SAMMSON: variants seen among roughly 807,000 people sequenced by gnomAD.
SAMMSON encodes survival associated mitochondrial melanoma specific oncogenic non-coding RNA, also known as long intergenic non-protein coding RNA 1212.
At chr3:70,044,248 C>T (rs1048628673) in intron 3 of SAMMSON, among the ~76,000 whole-genome samples, 1 of 151,942 alleles carries the variant, frequency 6.6e-6, no homozygotes, top group East Asian at 1.9e-4. Flanking sequence ...CTCTGGATAG[C>T]AAATTGGCAA....
intron 3 of SAMMSON, among the ~76,000 whole-genome samples, chr3:70,034,273 G>T (rs1463091083): frequency 6.6e-6 from 1 of 152,084 alleles, no homozygotes; most frequent in Non-Finnish European, 1.5e-5. Flanking sequence ...GCACGATATT[G>T]CTATTCTCTA....
chr3:70,350,491 G>T (rs1297749588), intron 7 of SAMMSON, among the ~76,000 whole-genome samples: 1 of 151,956 alleles, frequency 6.6e-6, no homozygotes, highest in African/African-American at 2.4e-5. Flanking sequence ...GAAACATCAT[G>T]AACCCTTTAT....
chr3:70,071,278 TATGCGTAG>T (rs145719636), intron 3 of SAMMSON, among the ~76,000 whole-genome samples: 5,266 of 152,164 alleles, frequency 0.035, 112 homozygotes, highest in Middle Eastern at 0.058. Context: ...AATCTTCAGT[TATGCGTAG>T]ATGCACACAT....
chr3:70,334,427 T>A (rs1702646771), intron 7 of SAMMSON, among the ~76,000 whole-genome samples: 1 of 152,006 alleles, frequency 6.6e-6, no homozygotes, highest in Non-Finnish European at 1.5e-5. Context: ...GTATGTAATA[T>A]ATAAATATAT....
At chr3:70,256,301 A>C (rs946758175) in intron 6 of SAMMSON, among the ~76,000 whole-genome samples, 3 of 152,206 alleles carry the variant, frequency 2.0e-5, no homozygotes, top group Non-Finnish European at 4.4e-5. Flanking sequence ...ACAGAGAGAA[A>C]TGTACTCGTT....
intron 7 of SAMMSON, among the ~76,000 whole-genome samples, chr3:70,347,679 G>A (rs765609821): frequency 1.3e-5 from 2 of 152,142 alleles, no homozygotes; most frequent in Non-Finnish European, 2.9e-5. Context: ...AAAAGACCTG[G>A]CCCTACTAAG....
intron 2 of SAMMSON, among the ~76,000 whole-genome samples, chr3:70,411,663 G>A (rs560745004): frequency 6.6e-6 from 1 of 152,102 alleles, no homozygotes; most frequent in African/African-American, 2.4e-5. Flanking sequence ...TGGTGTTCTC[G>A]TGATAGTGAG....
At chr3:70,028,923 G>A (rs565867026) in intron 3 of SAMMSON, among the ~76,000 whole-genome samples, 8 of 152,322 alleles carry the variant, frequency 5.3e-5, no homozygotes, top group Admixed American at 2.6e-4. Flanking sequence ...CTGAACTCAA[G>A]CAGGTACAGT....
chr3:70,150,145 C>A (rs1293615768), intron 4 of SAMMSON, among the ~76,000 whole-genome samples: 1 of 151,918 alleles, frequency 6.6e-6, no homozygotes, highest in Non-Finnish European at 1.5e-5. Flanking sequence ...TTTTTCGAAC[C>A]AAAAGTATGT....
intron 4 of SAMMSON, among the ~76,000 whole-genome samples, chr3:70,075,706 A>T (rs137874698): frequency 1.3e-5 from 2 of 152,254 alleles, no homozygotes; most frequent in African/African-American, 4.8e-5. Context: ...GTGATAAAAG[A>T]TTTCCAAATG....
At chr3:70,010,915 C>G (rs148003834) in intron 1 of SAMMSON, among the ~76,000 whole-genome samples, 1 of 152,024 alleles carries the variant, frequency 6.6e-6, no homozygotes, top group African/African-American at 2.4e-5. Context: ...CACTGACTAT[C>G]GTGAGAACAG....
chr3:70,402,344 G>A (rs1462353124), intron 2 of SAMMSON, among the ~76,000 whole-genome samples: 1 of 152,156 alleles, frequency 6.6e-6, no homozygotes, highest in Non-Finnish European at 1.5e-5. Context: ...GAGAATAAGG[G>A]AATTGACATA....
At chr3:70,200,970 G>T (rs1243219174) in intron 4 of SAMMSON, among the ~76,000 whole-genome samples, 1 of 151,350 alleles carries the variant, frequency 6.6e-6, no homozygotes, top group Non-Finnish European at 1.5e-5. Context: ...TTTTGGGGTG[G>T]GGGTGGGTGT....
Position 70,339,563 on chromosome 3 carries a change from AT to A in SAMMSON, n.740-14611del, listed in dbSNP as rs1702693975. Among the ~76,000 whole-genome samples, 6 of 152,278 alleles carry A rather than the reference AT, an allele frequency of 3.9e-5. No individual in the cohort carries two copies. The South Asian group carries it at 1.2e-3, about 32-fold the overall frequency. On this transcript the variant is annotated intron_variant and non_coding_transcript_variant, in intron 7 of 9. Transcript: ENST00000642114. Reference sequence around the variant, plus strand: ...AACTTAAACAAATTTACAAGAAAAAATCAAACAACCCCATCAGCAAGTGGGC... The same window carrying A: ...AACTTAAACAAATTTACAAGAAAAAACAAACAACCCCATCAGCAAGTGGGC...
chr3:70,405,950 A>T (rs934028676), intron 2 of SAMMSON, among the ~76,000 whole-genome samples: 6 of 152,232 alleles, frequency 3.9e-5, no homozygotes, highest in Admixed American at 2.0e-4. Context: ...AATGCCTGAG[A>T]AAAAGGCATA....
At chr3:70,178,877 G>T (rs886399038) in intron 4 of SAMMSON, among the ~76,000 whole-genome samples, 1 of 151,978 alleles carries the variant, frequency 6.6e-6, no homozygotes, top group African/African-American at 2.4e-5. Context: ...TGGGCGGGTG[G>T]CATTCCCCAG....
chr3:70,096,043 T>C (rs968249169), intron 4 of SAMMSON: 1 of 152,164 alleles, frequency 6.6e-6, no homozygotes, highest in African/African-American at 2.4e-5. Flanking sequence ...ACGTTCAAGG[T>C]ATTGGGCAAG....
chr3:70,117,135 A>C (rs1450880151), intron 4 of SAMMSON, among the ~76,000 whole-genome samples: 2 of 152,222 alleles, frequency 1.3e-5, no homozygotes, highest in Non-Finnish European at 2.9e-5. Flanking sequence ...AGAGAAAATA[A>C]AACATCTTTT....
chr3:70,115,544 A>G (rs1031769621), intron 4 of SAMMSON, among the ~76,000 whole-genome samples: 11 of 152,166 alleles, frequency 7.2e-5, no homozygotes, highest in Non-Finnish European at 1.6e-4. Flanking sequence ...AGAGAGTCAG[A>G]GATACTGATT....
Sources: gnomAD v4.1 joint callset for allele counts (sites outside exome capture counted in the v4.1 genomes callset) on GRCh38, gnomAD v4.1.1 for gene constraint, MANE v1.5 for transcripts, NCBI Gene and HGNC (gene_info 2026-07-23, HGNC 2026-07-21) for gene names.